CYTH3: variants seen among roughly 807,000 people sequenced by gnomAD.
CYTH3 encodes cytohesin 3.
Under a neutral mutation model 55.1 loss-of-function variants are expected in CYTH3, and 23 were observed. The ratio of observed to expected loss-of-function variants is 0.42; its 90% confidence interval spans 0.30 to 0.59. CYTH3 has a LOEUF of 0.59. Ranked by LOEUF, CYTH3 falls within the 20% of genes least tolerant of loss-of-function variation. The pLI is 0.20. For missense variants in CYTH3, 413 were observed against 524.8 expected (o/e 0.79, Z 2.08); for synonymous variants, 249 against 194.9 (o/e 1.28, Z -2.31).
At chr7:6,217,731 A>G (rs1784458873) in intron 1 of CYTH3, among the ~76,000 whole-genome samples, 1 of 152,216 alleles carries the variant, frequency 6.6e-6, no homozygotes, top group Non-Finnish European at 1.5e-5. Flanking sequence ...CACCAACAGC[A>G]TAATATTCAT....
At chr7:6,179,662 A>C (rs1378704331) in intron 4 of CYTH3, among the ~76,000 whole-genome samples, 10 of 72,184 alleles carry the variant, frequency 1.4e-4, no homozygotes, top group Admixed American at 3.3e-4. Flanking sequence ...CCCCACACAC[A>C]CCCCACACAC....
chr7:6,208,497 C>A (rs558467653), intron 1 of CYTH3, among the ~76,000 whole-genome samples: 34 of 152,188 alleles, frequency 2.2e-4, no homozygotes, highest in African/African-American at 8.2e-4. Context: ...TCCTTGGGAA[C>A]CTTGGCAAAA....
chr7:6,168,409 G>A (rs1046275990), intron 9 of CYTH3, among the ~76,000 whole-genome samples: 4 of 151,716 alleles, frequency 2.6e-5, no homozygotes, highest in South Asian at 4.2e-4. Flanking sequence ...CGCACTCCCC[G>A]CTGAGCACAC....
rs182742205 is a variant in CYTH3, at chr7:6,221,419, T to C, written c.35-30888A>G. 1.3e-4 allele frequency among the ~76,000 whole-genome samples: 20 copies of C among 152,270 alleles called. No individual in the cohort carries two copies. The East Asian group carries it at 3.7e-3, about 28-fold the overall frequency. On this transcript the variant is annotated intron_variant, in intron 1 of 12. Transcript: ENST00000350796. ...AGTCATTGTTTGGGGTTTAGGGTGGTTGAGGAGAAGACAACTGGGGTAGTA... is the reference window on the plus strand; with the variant it reads ...AGTCATTGTTTGGGGTTTAGGGTGGCTGAGGAGAAGACAACTGGGGTAGTA...
chr7:6,165,833 A>T (rs1782983807), intron 9 of CYTH3, 23 bp from the exon 10 acceptor site: 14 of 1,613,406 alleles, frequency 8.7e-6, no homozygotes, highest in Non-Finnish European at 9.3e-6. Context: ...GGGCCCCGTG[A>T]GTCTGCGCTC....
chr7:6,243,468 G>T (rs1779725070), intron 1 of CYTH3, among the ~76,000 whole-genome samples: 1 of 152,208 alleles, frequency 6.6e-6, no homozygotes, highest in African/African-American at 2.4e-5. Context: ...AAGCACACTT[G>T]AACCTCCAGA....
At chr7:6,265,925 G>A (rs1267275001) in intron 1 of CYTH3, among the ~76,000 whole-genome samples, 1 of 148,898 alleles carries the variant, frequency 6.7e-6, no homozygotes, top group African/African-American at 2.6e-5. Context: ...TACCAGTAAT[G>A]CTTTATTTTT....
At chr7:6,207,241 C>T (rs1017136667) in intron 1 of CYTH3, among the ~76,000 whole-genome samples, 1 of 151,736 alleles carries the variant, frequency 6.6e-6, no homozygotes, top group African/African-American at 2.4e-5. Flanking sequence ...ACTACAGGCA[C>T]CTGCCACCAA....
chr7:6,222,133 A>C (rs898554199), intron 1 of CYTH3, among the ~76,000 whole-genome samples: 3 of 152,192 alleles, frequency 2.0e-5, no homozygotes, highest in Admixed American at 2.0e-4. Context: ...TGTGGCAAAG[A>C]GCTTTGGTCC....
intron 1 of CYTH3, among the ~76,000 whole-genome samples, chr7:6,240,966 G>A (rs2128555381): frequency 6.7e-6 from 1 of 149,992 alleles, no homozygotes; most frequent in South Asian, 2.1e-4. Flanking sequence ...AAAAAAAAAA[G>A]CAAAAATTAG....
In CYTH3 at chr7:6,162,656, G is replaced by C. The variant is rs892206333; in HGVS notation, c.*2288C>G. Reference sequence around the variant, plus strand: ...CTAGGCGATTTCCTTTGACCACAAAGTACCTGGAGTCTAACTCAGCACCAC... The same window carrying C: ...CTAGGCGATTTCCTTTGACCACAAACTACCTGGAGTCTAACTCAGCACCAC... On this transcript the variant is annotated 3_prime_UTR_variant, in exon 13 of 13. Coordinates refer to ENST00000350796, the MANE Select transcript of CYTH3 (RefSeq NM_004227.4). 4 of 152,246 alleles carry C rather than the reference G, an allele frequency of 2.6e-5. No homozygotes were observed. The highest frequency in any genetic ancestry group is 9.6e-5 in the African/African-American group (4 of 41,454). 9.4% of individuals were successfully genotyped at this position (152,246 alleles called of 1,614,324 possible).
intron 1 of CYTH3, among the ~76,000 whole-genome samples, chr7:6,192,002 C>T (rs994122310): frequency 6.6e-6 from 1 of 151,954 alleles, no homozygotes; most frequent in Non-Finnish European, 1.5e-5. Context: ...ATCACTTCAG[C>T]CCAGGAGTTT....
chr7:6,269,788 A>G (rs1325651180), intron 1 of CYTH3, among the ~76,000 whole-genome samples: 1 of 152,224 alleles, frequency 6.6e-6, no homozygotes, highest in Non-Finnish European at 1.5e-5. Flanking sequence ...TGAAAGAACA[A>G]TACAGTGGAC....
chr7:6,244,863 A>C (rs923725636), intron 1 of CYTH3, among the ~76,000 whole-genome samples: 2 of 146,722 alleles, frequency 1.4e-5, no homozygotes, highest in Non-Finnish European at 3.0e-5. Flanking sequence ...ATCTCGGCTC[A>C]CTGCAACCTC....
At chr7:6,224,720 G>A (rs1779196675) in intron 1 of CYTH3, among the ~76,000 whole-genome samples, 2 of 152,134 alleles carry the variant, frequency 1.3e-5, no homozygotes, top group South Asian at 4.1e-4. Flanking sequence ...TATACCCAAA[G>A]AGCTGAAAAC....
intron 1 of CYTH3, among the ~76,000 whole-genome samples, chr7:6,232,091 T>G (rs975867264): frequency 6.6e-6 from 1 of 152,180 alleles, no homozygotes; most frequent in Non-Finnish European, 1.5e-5. Flanking sequence ...GCACCTTTTT[T>G]TGAATGGCTG....
intron 2 of CYTH3, among the ~76,000 whole-genome samples, chr7:6,189,452 G>A (rs1221293194): frequency 2.0e-5 from 3 of 152,058 alleles, no homozygotes; most frequent in Non-Finnish European, 4.4e-5. Flanking sequence ...GGGACTACAG[G>A]TACAAAACTT....
At chr7:6,220,646 T>G (rs1291530025) in intron 1 of CYTH3, among the ~76,000 whole-genome samples, 7 of 149,496 alleles carry the variant, frequency 4.7e-5, no homozygotes, top group Non-Finnish European at 8.9e-5. Flanking sequence ...ACATTGCTGG[T>G]GGGAACATAA....
chr7:6,211,333 T>TAAAAA (rs1237781117), intron 1 of CYTH3, among the ~76,000 whole-genome samples: 1 of 152,228 alleles, frequency 6.6e-6, no homozygotes, highest in Non-Finnish European at 1.5e-5. Context: ...TTACCCAGAG[T>TAAAAA]GTTTTGGAAG....
Sources: gnomAD v4.1 joint callset for allele counts (sites outside exome capture counted in the v4.1 genomes callset) on GRCh38, gnomAD v4.1.1 for gene constraint, MANE v1.5 for transcripts, NCBI Gene and HGNC (gene_info 2026-07-23, HGNC 2026-07-21) for gene names.